DPP6: variants seen among roughly 807,000 people sequenced by gnomAD.
DPP6 encodes the protein A-type potassium channel modulatory protein DPP6.
A neutral mutation model predicts 122.6 loss-of-function variants in DPP6; 69 were observed. The ratio of observed to expected loss-of-function variants is 0.56; its 90% CI spans 0.46 to 0.69. DPP6 has a LOEUF of 0.69. Ranked by LOEUF, DPP6 falls within the 30% of genes least tolerant of loss-of-function variation. The probability of loss-of-function intolerance (pLI) is 0.00; values close to 1 mark genes in which losing one functional copy is unlikely to be tolerated. For synonymous variants in DPP6, 418 were observed against 433.1 expected (o/e 0.97, Z 0.43); for missense variants, 928 against 1,116.9 (o/e 0.83, Z 2.41).
intron 7 of DPP6, among the ~76,000 whole-genome samples, chr7:154,682,005 T>C (rs1309926049): frequency 6.6e-6 from 1 of 152,204 alleles, no homozygotes; most frequent in Non-Finnish European, 1.5e-5. Flanking sequence ...TCTCAACAAA[T>C]ACTTGTGAAA....
chr7:154,343,102 T>A (rs1303760911), intron 1 of DPP6, among the ~76,000 whole-genome samples: 1 of 152,190 alleles, frequency 6.6e-6, no homozygotes, highest in Non-Finnish European at 1.5e-5. Context: ...GATTGTAAAT[T>A]GCTAAAATGA....
At chr7:153,756,444 T>G in the DPP6 span, among the ~76,000 whole-genome samples, 1 of 152,042 alleles carries the variant, frequency 6.6e-6, no homozygotes, top group Non-Finnish European at 1.5e-5. Context: ...TATACGAGGC[T>G]GTTTTGTGGT....
intron 1 of DPP6, among the ~76,000 whole-genome samples, chr7:153,904,431 G>A (rs1799764215): frequency 6.6e-6 from 1 of 152,152 alleles, no homozygotes; most frequent in Admixed American, 6.5e-5. Flanking sequence ...ACCCTCATCA[G>A]TGTGGACCAG....
rs1305337370 is a variant in DPP6 at position 154,602,509 on chromosome 7, C to G, written c.628-35312C>G. 1.7e-5 allele frequency among the ~76,000 whole-genome samples: 2 copies of G among 120,442 alleles called. 1 individual carries two copies. Among genetic ancestry groups the G allele is most frequent in the African/African-American group, 5.3e-5 (2 of 37,832 alleles). The allele number at this position is 120,442 out of a possible 152,430, so 79.0% of individuals were successfully genotyped here. ...CTTGTCTCACTGCAACCTCTGCCTCCCAGGTTCAGGTGAGTCTCCCGCCTC... is the reference window on the plus strand; with the variant it reads ...CTTGTCTCACTGCAACCTCTGCCTCGCAGGTTCAGGTGAGTCTCCCGCCTC... On this transcript the variant is annotated intron_variant, in intron 5 of 25. Transcript: ENST00000377770.
chr7:154,316,598 C>G (rs138933153), intron 1 of DPP6, among the ~76,000 whole-genome samples: 1 of 152,240 alleles, frequency 6.6e-6, no homozygotes, highest in Non-Finnish European at 1.5e-5. Flanking sequence ...TGGAGAAGTG[C>G]TTTGAGGAAA....
intron 5 of DPP6, among the ~76,000 whole-genome samples, chr7:154,611,164 A>G (rs1339618753): frequency 1.3e-5 from 2 of 152,176 alleles, no homozygotes; most frequent in East Asian, 3.8e-4. Context: ...CTTCTGACTC[A>G]TGTGACTTGT....
intron 7 of DPP6, among the ~76,000 whole-genome samples, chr7:154,697,110 G>C (rs1840261939): frequency 6.6e-6 from 1 of 152,160 alleles, no homozygotes; most frequent in Admixed American, 6.5e-5. Context: ...GAGAACCAAG[G>C]GTTTTCCCAG....
intron 10 of DPP6, 81 bp from the exon 11 acceptor site, chr7:154,793,998 C>T: frequency 6.5e-7 from 1 of 1,539,520 alleles, no homozygotes; most frequent in Non-Finnish European, 8.8e-7. Flanking sequence ...GTGTCGTGTC[C>T]AGGGCTGGGG....
At chr7:154,326,181 A>G (rs1808430245) in intron 1 of DPP6, among the ~76,000 whole-genome samples, 1 of 152,240 alleles carries the variant, frequency 6.6e-6, no homozygotes, top group African/African-American at 2.4e-5. Context: ...GCAATAAAAC[A>G]TACTGAAATA....
At chr7:153,775,972 AT>A in the DPP6 span, among the ~76,000 whole-genome samples, 1 of 152,170 alleles carries the variant, frequency 6.6e-6, no homozygotes, top group African/African-American at 2.4e-5. Context: ...GGGAGATCTA[AT>A]ATTGGTAAGA....
intron 1 of DPP6, among the ~76,000 whole-genome samples, chr7:154,298,889 G>T (rs1305138344): frequency 2.0e-5 from 3 of 152,334 alleles, no homozygotes; most frequent in Middle Eastern, 3.4e-3. Context: ...AGCCTTGCTT[G>T]TTGGGCCTGG....
At chr7:153,874,251 T>C in the DPP6 span, among the ~76,000 whole-genome samples, 19 of 73,690 alleles carry the variant, frequency 2.6e-4, 1 homozygote, top group Admixed American at 1.9e-3. Flanking sequence ...CGTGCGCACA[T>C]GCACACACAC....
chr7:154,138,247 C>T (rs1249310708), intron 1 of DPP6, among the ~76,000 whole-genome samples: 2 of 152,122 alleles, frequency 1.3e-5, no homozygotes, highest in Non-Finnish European at 2.9e-5. Flanking sequence ...GTGTATGGTG[C>T]CAATAAACAC....
chr7:153,783,061 C>T, the DPP6 span, among the ~76,000 whole-genome samples: 33 of 152,206 alleles, frequency 2.2e-4, no homozygotes, highest in East Asian at 5.4e-3. Context: ...AATTAAACTT[C>T]GCTGAACAAG....
chr7:154,637,175 C>A (rs1388353675), intron 5 of DPP6, among the ~76,000 whole-genome samples: 2 of 152,110 alleles, frequency 1.3e-5, no homozygotes, highest in Non-Finnish European at 2.9e-5. Flanking sequence ...TTAAGAAAGG[C>A]GTCCGAGATT....
At chr7:154,459,173 A>G (rs905074098) in intron 2 of DPP6, among the ~76,000 whole-genome samples, 1 of 152,242 alleles carries the variant, frequency 6.6e-6, no homozygotes, top group African/African-American at 2.4e-5. Flanking sequence ...TCAGATTAAA[A>G]ATATACATTG....
In DPP6 at chr7:154,486,445, A is replaced by G. The variant is rs1025077509; in HGVS notation, c.457+11408A>G. Reference sequence around the variant, plus strand: ...CCATGCCCGGCCACTCATGGCCTCTATTACCACGTTCCTGGCCATATTAGG... The same window carrying G: ...CCATGCCCGGCCACTCATGGCCTCTGTTACCACGTTCCTGGCCATATTAGG... On this transcript the variant is annotated intron_variant, in intron 3 of 25. Coordinates refer to ENST00000377770, the MANE Select transcript of DPP6 (RefSeq NM_130797.4). The surrounding 1 kb of genome is among the most constrained non-coding windows in gnomAD (Gnocchi z 4.5). Among the ~76,000 whole-genome samples the G allele has an allele frequency of 3.9e-5, 6 of 152,052 alleles. No individual in the cohort carries two copies. The highest frequency in any genetic ancestry group is 3.3e-4 in the Admixed American group (5 of 15,264).
At chr7:154,675,760 G>A (rs371009751) in intron 7 of DPP6, among the ~76,000 whole-genome samples, 2 of 152,126 alleles carry the variant, frequency 1.3e-5, no homozygotes, top group African/African-American at 2.4e-5. Flanking sequence ...AATGCTGCCC[G>A]TTGCCCTGCT....
chr7:154,468,227 T>C (rs760676071), intron 2 of DPP6, among the ~76,000 whole-genome samples: 2 of 152,222 alleles, frequency 1.3e-5, no homozygotes, highest in Admixed American at 6.5e-5. Context: ...GCATATTGTA[T>C]GATTCCATCT....
Sources: allele counts gnomAD v4.1 joint callset (sites outside exome capture counted in the v4.1 genomes callset), GRCh38; gene constraint gnomAD v4.1.1; non-coding constraint Gnocchi (gnomAD v3.1); transcripts MANE v1.5; gene names NCBI Gene and HGNC (gene_info 2026-07-23, HGNC 2026-07-21).